Variants in PBX3 observed in about 807,000 individuals in gnomAD.
PBX3 encodes the protein pre-B-cell leukemia transcription factor 3.
PBX3 carries 14 observed loss-of-function variants against 48.5 expected under a neutral mutation model. That is an observed-to-expected ratio of 0.29 (90% CI 0.19 to 0.45). PBX3 has a LOEUF of 0.45. Ranked by LOEUF, PBX3 falls within the 20% of genes least tolerant of loss-of-function variation. PBX3 has a pLI of 1.00. For missense variants in PBX3, 386 were observed against 546.7 expected (o/e 0.71, Z 2.93); for synonymous variants, 210 against 200.3 (o/e 1.05, Z -0.41).
intron 2 of PBX3, among the ~76,000 whole-genome samples, chr9:125,904,853 G>A (rs1841033448): frequency 6.6e-6 from 1 of 151,820 alleles, no homozygotes; most frequent in African/African-American, 2.4e-5. Flanking sequence ...TGTAGAGACT[G>A]TTATTGCAGA....
intron 5 of PBX3, among the ~76,000 whole-genome samples, chr9:125,951,238 G>A (rs1842188367): frequency 6.6e-6 from 1 of 152,186 alleles, no homozygotes; most frequent in South Asian, 2.1e-4. Flanking sequence ...GCATTGTCCT[G>A]CTTAGTTGGG....
chr9:125,933,160 C>T (rs1163131886), intron 4 of PBX3, among the ~76,000 whole-genome samples: 1 of 152,240 alleles, frequency 6.6e-6, no homozygotes, highest in Non-Finnish European at 1.5e-5. Context: ...TAGTGCCTCC[C>T]AGCAAGCCCT....
chr9:125,781,470 G>A (rs1438771657), intron 2 of PBX3, among the ~76,000 whole-genome samples: 1 of 150,386 alleles, frequency 6.6e-6, no homozygotes, highest in Non-Finnish European at 1.5e-5. Context: ...GATGGCAGCA[G>A]TACAGTCCAG....
chr9:125,767,642 C>T (rs1203308561), intron 2 of PBX3, among the ~76,000 whole-genome samples: 2 of 152,210 alleles, frequency 1.3e-5, no homozygotes, highest in African/African-American at 2.4e-5. Context: ...AGTTTATAGA[C>T]ACCTTGAATA....
At chr9:125,838,036 A>G (rs1839188350) in intron 2 of PBX3, among the ~76,000 whole-genome samples, 1 of 152,022 alleles carries the variant, frequency 6.6e-6, no homozygotes, top group African/African-American at 2.4e-5. Context: ...TACCATATGG[A>G]AAAAAAAGGT....
At chr9:125,887,535 G>T (rs1010294460) in intron 2 of PBX3, among the ~76,000 whole-genome samples, 4 of 152,096 alleles carry the variant, frequency 2.6e-5, no homozygotes, top group African/African-American at 9.7e-5. Flanking sequence ...TTTATGTTGC[G>T]TATGCACAAT....
chr9:125,960,005 G>C (rs1842393403), intron 5 of PBX3, among the ~76,000 whole-genome samples: 1 of 152,208 alleles, frequency 6.6e-6, no homozygotes, highest in African/African-American at 2.4e-5. Flanking sequence ...TGCACCGGCT[G>C]ACATCATAAG....
intron 2 of PBX3, among the ~76,000 whole-genome samples, chr9:125,841,254 T>A (rs1839282998): frequency 6.6e-6 from 1 of 152,222 alleles, no homozygotes; most frequent in African/African-American, 2.4e-5. Context: ...CTTAAACTAT[T>A]TGAATAATTG....
rs1842546623 is a variant in PBX3 at position 125,966,968 on chromosome 9, T to G, written c.*1045T>G. The G allele has an allele frequency of 6.6e-6, 1 of 152,626 alleles. No homozygotes were observed. Among genetic ancestry groups the G allele is most frequent in the Non-Finnish European group, 1.5e-5 (1 of 68,036 alleles). The allele number at this position is 152,626 out of a possible 1,614,324, so 9.5% of individuals were successfully genotyped here. On this transcript the variant is annotated 3_prime_UTR_variant, in exon 9 of 9. Coordinates refer to ENST00000373489, the MANE Select transcript of PBX3 (RefSeq NM_006195.6). ...TTTAAAAGAAAAATCAGGGTTGCAC[T>G]TGCAACTTTTAAAAAACCGAGTGTG...
At chr9:125,841,207 T>A (rs528071226) in intron 2 of PBX3, among the ~76,000 whole-genome samples, 1 of 152,212 alleles carries the variant, frequency 6.6e-6, no homozygotes, top group East Asian at 1.9e-4. Flanking sequence ...CTTGGACTTG[T>A]TACCAAGTTT....
chr9:125,869,563 C>CAGA (rs1318122284), intron 2 of PBX3, among the ~76,000 whole-genome samples: 2 of 152,182 alleles, frequency 1.3e-5, no homozygotes, highest in Non-Finnish European at 2.9e-5. Context: ...GCTAACTTCT[C>CAGA]AGCAGGAGCA....
Position 125,845,660 on chromosome 9 carries a change from A to G in PBX3, c.275-70026A>G, listed in dbSNP as rs193249964. On this transcript the variant is annotated intron_variant, in intron 2 of 8. Transcript: ENST00000373489. ...AGGAGGCAATAAATCAGCCTTGACA[A>G]GAAAGAGTGACCAGCATGTAGCTGT... 6.7e-3 allele frequency among the ~76,000 whole-genome samples: 1,025 copies of G among 152,234 alleles called. 14 individuals are homozygous for G. The highest frequency in any genetic ancestry group is 8.1e-3 in the Non-Finnish European group (548 of 68,000).
At chr9:125,805,095 A>G (rs137964686) in intron 2 of PBX3, among the ~76,000 whole-genome samples, 26 of 152,194 alleles carry the variant, frequency 1.7e-4, no homozygotes, top group Middle Eastern at 3.4e-3. Context: ...GCCACTTTAG[A>G]TAGGTTGTTA....
chr9:125,803,284 C>A (rs1838023289), intron 2 of PBX3, among the ~76,000 whole-genome samples: 2 of 151,534 alleles, frequency 1.3e-5, no homozygotes. Flanking sequence ...GACGGGGTTT[C>A]ATCATGTTGG....
intron 2 of PBX3, among the ~76,000 whole-genome samples, chr9:125,801,930 C>T (rs10986931): frequency 0.5 from 75,780 of 151,502 alleles, 20,850 homozygotes; most frequent in South Asian, 0.63. Context: ...AATTTATTTT[C>T]GGCTAGGTGT....
intron 2 of PBX3, among the ~76,000 whole-genome samples, chr9:125,841,264 G>A (rs1242519563): frequency 5.3e-5 from 8 of 152,064 alleles, no homozygotes; most frequent in Admixed American, 5.2e-4. Context: ...TTGAATAATT[G>A]GGTAAATACA....
At chr9:125,791,161 C>T (rs917628990) in intron 2 of PBX3, among the ~76,000 whole-genome samples, 2 of 151,996 alleles carry the variant, frequency 1.3e-5, no homozygotes, top group African/African-American at 2.4e-5. Flanking sequence ...GGTGATCCAC[C>T]CGCCTTGGCC....
chr9:125,832,709 A>G (rs1309535503), intron 2 of PBX3, among the ~76,000 whole-genome samples: 1 of 151,990 alleles, frequency 6.6e-6, no homozygotes, highest in Non-Finnish European at 1.5e-5. Flanking sequence ...CTCAGATATG[A>G]TAGTATTGAT....
intron 5 of PBX3, among the ~76,000 whole-genome samples, chr9:125,942,237 C>G (rs1841972068): frequency 6.6e-6 from 1 of 152,162 alleles, no homozygotes; most frequent in South Asian, 2.1e-4. Flanking sequence ...AGGGGAGAAA[C>G]TGAAGTCTTA....
Sources: allele counts gnomAD v4.1 joint callset (sites outside exome capture counted in the v4.1 genomes callset), GRCh38; gene constraint gnomAD v4.1.1; transcripts MANE v1.5; gene names NCBI Gene and HGNC (gene_info 2026-07-23, HGNC 2026-07-21).